Variants in PLEKHH2 observed in about 807,000 individuals in gnomAD.
PLEKHH2 encodes the protein pleckstrin homology, MyTH4 and FERM domain containing H2.
PLEKHH2 carries 129 observed loss-of-function variants against 187.9 expected under a neutral mutation model. The ratio of observed to expected loss-of-function variants is 0.69; its 90% CI spans 0.59 to 0.79. The LOEUF (loss-of-function observed/expected upper bound fraction) is 0.79, where lower values mean the gene tolerates loss of function less well. Among genes scored for constraint, PLEKHH2 ranks in the 30% least tolerant of loss-of-function variants. The pLI, the probability that PLEKHH2 is intolerant of heterozygous loss-of-function variation, is 0.00. For missense variants in PLEKHH2, 2,076 were observed against 1,751.2 expected, an observed-to-expected ratio of 1.19 and a Z score of -3.31; for synonymous variants, 686 against 605.6, an observed-to-expected ratio of 1.13 and a Z score of -1.95.
chr2:43,701,607 T>A (rs1669369533), intron 8 of PLEKHH2, among the ~76,000 whole-genome samples: 1 of 152,062 alleles, frequency 6.6e-6, no homozygotes, highest in Non-Finnish European at 1.5e-5. Context: ...TTTGAGCTTA[T>A]ATAGCCATTG....
intron 2 of PLEKHH2, among the ~76,000 whole-genome samples, 156 bp downstream of exon 2, chr2:43,644,952 T>C (rs1227818928): frequency 6.6e-6 from 1 of 152,106 alleles, no homozygotes; most frequent in East Asian, 1.9e-4. Context: ...TTAGGGTAGA[T>C]TGGACTTTAA....
chr2:43,677,885 T>G (rs7564100), intron 2 of PLEKHH2, among the ~76,000 whole-genome samples: 70,430 of 146,086 alleles, frequency 0.48, 17,624 homozygotes, highest in Non-Finnish European at 0.53. Flanking sequence ...GGGGCTGATC[T>G]CCCCACCTCC....
At chr2:43,703,277 G>A (rs1426810127) in intron 8 of PLEKHH2, among the ~76,000 whole-genome samples, 7 of 152,182 alleles carry the variant, frequency 4.6e-5, no homozygotes, top group Non-Finnish European at 8.8e-5. Flanking sequence ...TTTCTCAAGG[G>A]AGCAGGGCTA....
At chr2:43,727,263 T>C (rs1388503278) in intron 17 of PLEKHH2, among the ~76,000 whole-genome samples, 4 of 151,908 alleles carry the variant, frequency 2.6e-5, no homozygotes, top group Admixed American at 2.0e-4. Context: ...AATACAAAAA[T>C]TAGCCAGGCG....
intron 16 of PLEKHH2, among the ~76,000 whole-genome samples, chr2:43,725,482 G>A (rs963467103): frequency 9.9e-5 from 15 of 152,172 alleles, no homozygotes; most frequent in Non-Finnish European, 1.5e-4. Flanking sequence ...TGCTCTTTCA[G>A]GCTGCTTGTT....
In PLEKHH2 at chr2:43,726,367, T is replaced by C; in HGVS notation, c.2637T>C (p.Ser879=). 2.5e-6 allele frequency: 4 copies of C among 1,610,516 alleles called. No homozygotes were observed. The highest frequency in any genetic ancestry group is 3.4e-6 in the Non-Finnish European group (4 of 1,176,752). ...SDEDYEASGR[S]LLSTHYTIVI... ...AAGATTATGAAGCCAGTGGACGAAG[T>C]CTGTTATCCACACATTATACTATCG... The change falls in exon 17 of 30, where the codon AGT becomes AGC. Residue 879 remains serine, a synonymous_variant. Transcript: ENST00000282406.
At chr2:43,675,667 T>C in intron 2 of PLEKHH2, 1 of 1,614,018 alleles carries the variant, frequency 6.2e-7, no homozygotes, top group Admixed American at 1.7e-5. Context: ...TATTGCCAGC[T>C]GCTTATCTTC....
intron 2 of PLEKHH2, among the ~76,000 whole-genome samples, chr2:43,677,673 C>A (rs1351927966): frequency 1.3e-5 from 2 of 152,014 alleles, no homozygotes; most frequent in African/African-American, 4.8e-5. Flanking sequence ...TTCCACAAAA[C>A]CGCCATTGTC....
At chr2:43,654,276 C>A (rs1666631778) in intron 2 of PLEKHH2, among the ~76,000 whole-genome samples, 1 of 151,658 alleles carries the variant, frequency 6.6e-6, no homozygotes, top group South Asian at 2.1e-4. Flanking sequence ...CTCACTGCAA[C>A]CTCCACCTCC....
chr2:43,659,702 G>C (rs1666971196), intron 2 of PLEKHH2, among the ~76,000 whole-genome samples: 1 of 151,902 alleles, frequency 6.6e-6, no homozygotes, highest in South Asian at 2.1e-4. Context: ...GGGACTACAG[G>C]CACGTGCCAT....
At chr2:43,747,135 GGT>G (rs1671818145) in intron 24 of PLEKHH2, among the ~76,000 whole-genome samples, 1 of 111,032 alleles carries the variant, frequency 9.0e-6, no homozygotes, top group African/African-American at 3.6e-5. Context: ...TCTCTCTCTC[GGT>G]GTTCACCGAG....
chr2:43,759,459 C>T (rs915418792), intron 27 of PLEKHH2, among the ~76,000 whole-genome samples: 3 of 152,190 alleles, frequency 2.0e-5, no homozygotes, highest in African/African-American at 7.2e-5. Flanking sequence ...TTTGTAACAA[C>T]AGGCCTATAA....
At chr2:43,728,468 A>G (rs1414064415) in intron 17 of PLEKHH2, among the ~76,000 whole-genome samples, 1 of 137,094 alleles carries the variant, frequency 7.3e-6, no homozygotes, top group Non-Finnish European at 1.6e-5. Flanking sequence ...ACAGAGCAAG[A>G]CTCTGTCTCA....
intron 10 of PLEKHH2, among the ~76,000 whole-genome samples, chr2:43,706,671 T>C (rs1221620698): frequency 6.6e-6 from 1 of 152,190 alleles, no homozygotes; most frequent in Admixed American, 6.5e-5. Flanking sequence ...CCCATGGCCA[T>C]GAATTGTTTA....
intron 24 of PLEKHH2, among the ~76,000 whole-genome samples, chr2:43,750,619 T>G (rs984194784): frequency 4.6e-5 from 7 of 152,246 alleles, no homozygotes; most frequent in Non-Finnish European, 2.9e-5. Context: ...ACTCTTTGTA[T>G]GCATTCTTAC....
intron 21 of PLEKHH2, 87 bp downstream of exon 21, chr2:43,741,130 C>T: frequency 7.5e-6 from 9 of 1,197,618 alleles, no homozygotes; most frequent in South Asian, 5.1e-5. Flanking sequence ...CTGCCAGGTA[C>T]ATTTTCAGAA....
chr2:43,659,675 T>C (rs551018408), intron 2 of PLEKHH2, among the ~76,000 whole-genome samples: 18 of 151,888 alleles, frequency 1.2e-4, no homozygotes, highest in Admixed American at 1.2e-3. Flanking sequence ...TCTCCTGCTT[T>C]AGCCTCCCAA....
At chr2:43,755,260 G>A (rs942589930) in intron 25 of PLEKHH2, among the ~76,000 whole-genome samples, 2 of 151,908 alleles carry the variant, frequency 1.3e-5, no homozygotes, top group African/African-American at 4.8e-5. Flanking sequence ...CCTCCACCCG[G>A]TCCCCCAAAC....
intron 2 of PLEKHH2, among the ~76,000 whole-genome samples, chr2:43,645,226 T>G (rs192530592): frequency 1.3e-5 from 2 of 152,302 alleles, no homozygotes; most frequent in East Asian, 3.9e-4. Context: ...AAGTATATAT[T>G]GCTAAATTCT....
Sources: allele counts gnomAD v4.1 joint callset (sites outside exome capture counted in the v4.1 genomes callset), GRCh38; gene constraint gnomAD v4.1.1; transcripts MANE v1.5; gene names NCBI Gene and HGNC (gene_info 2026-07-23, HGNC 2026-07-21).